TRIM68: variants seen among roughly 807,000 people sequenced by gnomAD.
TRIM68 encodes tripartite motif containing 68, also known as E3 ubiquitin-protein ligase TRIM68.
In TRIM68, 36 loss-of-function variants were observed where a neutral mutation model predicts 41.9. The ratio of observed to expected loss-of-function variants is 0.86; its 90% CI spans 0.66 to 1.14. The LOEUF (loss-of-function observed/expected upper bound fraction) is 1.14, where lower values mean the gene tolerates loss of function less well. Among genes scored for constraint, TRIM68 ranks in the 50% most tolerant of loss-of-function variants. The pLI, the probability that TRIM68 is intolerant of heterozygous loss-of-function variation, is 0.00. For synonymous variants in TRIM68, 225 were observed against 224.6 expected (o/e 1.00, Z -0.02); for missense variants, 632 against 605.1 (o/e 1.04, Z -0.47).
In TRIM68 at chr11:4,601,682, A is replaced by C; in HGVS notation, c.788T>G (p.Ile263Ser). The C allele has an allele frequency of 1.2e-6, 2 of 1,614,044 alleles. No homozygotes were observed. Among genetic ancestry groups the C allele is most frequent in the Non-Finnish European group, 1.7e-6 (2 of 1,179,960 alleles). The change falls in exon 5 of 7, where the codon ATT (isoleucine) becomes AGT (serine). Residue 263 changes from isoleucine to serine, a missense_variant. Ile to Ser is a moderately radical substitution (Grantham distance 142, BLOSUM62 -2). Coordinates refer to ENST00000300747, the MANE Select transcript of TRIM68 (RefSeq NM_018073.8). ...AACATACCTGTTTAACACTTCCTGA[A>C]TATCCTGGAAGGAGAAAAAAAAATG... ...QRPVRWMLQD[I>S]QEVLNRSKSW...
intron 3 of TRIM68, 53 bp downstream of exon 3, chr11:4,603,192 C>T: frequency 6.5e-7 from 1 of 1,546,518 alleles, no homozygotes; most frequent in South Asian, 1.1e-5. Flanking sequence ...AGGCCAGCTC[C>T]AGGACCACAC....
chr11:4,602,480 GCATACACA>G, intron 3 of TRIM68, 68 bp from the exon 4 acceptor site: 1 of 1,577,490 alleles, frequency 6.3e-7, no homozygotes, highest in South Asian at 1.2e-5. Context: ...ACTGACATAT[GCATACACA>G]CATACTCTGC....
intron 5 of TRIM68, chr11:4,601,360 G>T (rs756541494): frequency 1.1e-4 from 64 of 594,724 alleles, no homozygotes; most frequent in Admixed American, 3.5e-4. Context: ...GGGAGAGGAA[G>T]AAGTGCACAC....
At chr11:4,603,362 T>C in intron 2 of TRIM68, 22 bp from the exon 3 acceptor site, 1 of 1,612,014 alleles carries the variant, frequency 6.2e-7, no homozygotes, top group Non-Finnish European at 8.5e-7. Flanking sequence ...AAAACCCTCA[T>C]GAGGCCACCT....
rs375772033 is a variant in TRIM68, at chr11:4,605,445, C to G, written c.60G>C (p.Met20Ile). The G allele has an allele frequency of 6.8e-6, 11 of 1,614,026 alleles. No homozygotes were observed. Among genetic ancestry groups the G allele is most frequent in the African/African-American group, 2.7e-5 (2 of 74,932 alleles). Reference protein sequence around the residue: ...IVEEVACPICMTFLREPMSID... With the variant: ...IVEEVACPICITFLREPMSID... ...TGCTCATGGGCTCCCTCAGGAAGGT[C>G]ATACAGATGGGACAGGCCACTTCTT... The change falls in exon 2 of 7, where the codon ATG becomes ATC. Residue 20 changes from methionine to isoleucine, a missense_variant. By Grantham distance (10) the Met-to-Ile change is conservative. Transcript: ENST00000300747.
chr11:4,602,410 T>C lies in TRIM68; in HGVS notation c.525A>G (p.Ile175Met). 2 of 1,612,866 alleles carry C rather than the reference T, an allele frequency of 1.2e-6. No homozygotes were observed. The highest frequency in any genetic ancestry group is 1.1e-5 in the South Asian group (1 of 91,036). Residue 175 changes from isoleucine (I) to methionine (M), a missense_variant and splice_region_variant, in exon 4 of 7, where the codon ATA becomes ATG. Transcript: ENST00000300747. ...GERKRTATWK[I>M]QVETRKQSIV... ...TACTCTGTTTTCGGGTTTCCACCTG[T>C]ATCTGTGGAGCCAAGATGGAAATCA...
rs146898853 is a variant in TRIM68 at position 4,600,566 on chromosome 11, G to T, written c.1168C>A (p.His390Asn). 2.2e-5 allele frequency: 36 copies of T among 1,613,936 alleles called. No homozygotes were observed. The highest frequency in any genetic ancestry group is 6.7e-5 in the East Asian group (3 of 44,878). Reference protein sequence around the residue: ...DRKEVVYLSPHYGFWVIRLRK... With the variant: ...DRKEVVYLSPNYGFWVIRLRK... ...AGCCTTATCACCCAGAATCCATAGTGGGGGGATAAGTAGACCACCTCCTTC... is the reference window on the plus strand; with the variant it reads ...AGCCTTATCACCCAGAATCCATAGTTGGGGGATAAGTAGACCACCTCCTTC... Residue 390 changes from histidine (H) to asparagine (N), a missense_variant, in exon 7 of 7, where the codon CAC becomes AAC. His to Asn is a moderately conservative substitution (Grantham distance 68). Coordinates refer to ENST00000300747, the MANE Select transcript of TRIM68 (RefSeq NM_018073.8).
Position 4,600,680 on chromosome 11 carries a change from A to T in TRIM68, c.1054T>A (p.Cys352Ser). ...CAGTAGTGCCGGCCTGAGGAGATGC[A>T]CTGGCTTCCCAGGACGATATTATAG... ...YRYNIVLGSQ[C>S]ISSGRHYWEV... The change falls in exon 7 of 7, where the codon TGC (cysteine) becomes AGC (serine). Residue 352 changes from cysteine to serine, a missense_variant. By Grantham distance (112) the Cys-to-Ser change is moderately radical. Coordinates refer to ENST00000300747, the MANE Select transcript of TRIM68 (RefSeq NM_018073.8). 3.1e-6 allele frequency: 5 copies of T among 1,614,128 alleles called. No homozygotes were observed. Among genetic ancestry groups the T allele is most frequent in the Non-Finnish European group, 4.2e-6 (5 of 1,180,010 alleles).
At position 4,608,074 on chromosome 11, in the gene TRIM68, A is replaced by C. The variant is rs1000960652; in HGVS notation, c.-105T>G. On this transcript the variant is annotated 5_prime_UTR_variant, in exon 1 of 7. Transcript: ENST00000300747. Reference sequence around the variant, plus strand: ...CGCTTCGCGGCGGAAACTCAAAGTGAAGAAGCCTGGTTCCGCAGCGTCCAA... The same window carrying C: ...CGCTTCGCGGCGGAAACTCAAAGTGCAGAAGCCTGGTTCCGCAGCGTCCAA... 1 of 152,504 alleles carries C rather than the reference A, an allele frequency of 6.6e-6. No individual in the cohort carries two copies. The highest frequency in any genetic ancestry group is 3.4e-3 in the Middle Eastern group (1 of 294). The allele number at this position is 152,504 out of a possible 1,614,324, so 9.4% of individuals were successfully genotyped here.
At chr11:4,604,664 TG>T (rs1029163232) in intron 2 of TRIM68, among the ~76,000 whole-genome samples, 1 of 152,240 alleles carries the variant, frequency 6.6e-6, no homozygotes, top group Non-Finnish European at 1.5e-5. Flanking sequence ...AGGAGGGAAG[TG>T]ATCCATTCAA....
chr11:4,600,160 T>C lies in TRIM68; in HGVS notation c.*116A>G. ...AAGACCAAAGGATCAGACAGAGGAA[T>C]CCTTGGATACTGGGCTCAGCTCAGT... On this transcript the variant is annotated 3_prime_UTR_variant, in exon 7 of 7. Transcript: ENST00000300747. The C allele has an allele frequency of 9.4e-7, 1 of 1,062,778 alleles. No individual in the cohort carries two copies. Among genetic ancestry groups the C allele is most frequent in the Non-Finnish European group, 1.3e-6 (1 of 747,086 alleles). The allele number at this position is 1,062,778 out of a possible 1,614,324, so 65.8% of individuals were successfully genotyped here. A position where few individuals can be genotyped will look rare whatever the true frequency, so the allele number is the denominator to read the frequency against.
intron 1 of TRIM68, among the ~76,000 whole-genome samples, chr11:4,606,010 G>A (rs760231188): frequency 3.9e-5 from 6 of 152,210 alleles, no homozygotes; most frequent in Admixed American, 2.0e-4. Flanking sequence ...AATTCAAAGT[G>A]TCAAAAGGTA....
chr11:4,604,987 TCA>T, intron 2 of TRIM68, 90 bp downstream of exon 2: 1 of 1,406,758 alleles, frequency 7.1e-7, no homozygotes, highest in Non-Finnish European at 9.7e-7. Context: ...GAGTTAGCTC[TCA>T]GTCTGTGGTG....
Position 4,602,703 on chromosome 11 carries a change from T to C in TRIM68, c.523-291A>G, listed in dbSNP as rs372509811. On this transcript the variant is annotated intron_variant, in intron 3 of 6. Coordinates refer to ENST00000300747, the MANE Select transcript of TRIM68 (RefSeq NM_018073.8). ...CAGAATAATGACAAGATGTGTTACA[T>C]TTAAGTCTCTAAGGCAGTGTAACTT... is the stretch of plus-strand genomic sequence containing the variant. Among the ~76,000 whole-genome samples the C allele has an allele frequency of 2.9e-4, 44 of 152,338 alleles. 1 individual carries two copies. Among genetic ancestry groups the C allele is most frequent in the African/African-American group, 1.1e-3 (44 of 41,580 alleles).
chr11:4,600,174 G>T lies in TRIM68; in HGVS notation c.*102C>A. Reference sequence around the variant, plus strand: ...AGACAGAGGAATCCTTGGATACTGGGCTCAGCTCAGTTTCAGGGGATACCT... The same window carrying T: ...AGACAGAGGAATCCTTGGATACTGGTCTCAGCTCAGTTTCAGGGGATACCT... On this transcript the variant is annotated 3_prime_UTR_variant, in exon 7 of 7. Coordinates refer to ENST00000300747, the MANE Select transcript of TRIM68 (RefSeq NM_018073.8). 1 of 1,197,350 alleles carries T rather than the reference G, an allele frequency of 8.4e-7. No homozygotes were observed. The allele number at this position is 1,197,350 out of a possible 1,614,324, so 74.2% of individuals were successfully genotyped here. A position where few individuals can be genotyped will look rare whatever the true frequency, so the allele number is the denominator to read the frequency against.
intron 5 of TRIM68, 35 bp downstream of exon 5, chr11:4,601,629 A>C (rs755780241): frequency 1.2e-6 from 2 of 1,613,340 alleles, no homozygotes; most frequent in Non-Finnish European, 1.7e-6. Context: ...TATCCCCTAC[A>C]GGGCTGCTTA....
chr11:4,603,791 T>G (rs1448605152), intron 2 of TRIM68, among the ~76,000 whole-genome samples: 2 of 152,206 alleles, frequency 1.3e-5, no homozygotes, highest in Non-Finnish European at 2.9e-5. Context: ...CAATTTTAGA[T>G]GGATCTCCCA....
chr11:4,603,079 G>A (rs1048976190), intron 3 of TRIM68, among the ~76,000 whole-genome samples, 166 bp downstream of exon 3: 9 of 152,142 alleles, frequency 5.9e-5, no homozygotes, highest in African/African-American at 2.2e-4. Context: ...AAGAGGTGAC[G>A]TGGCCTACCT....
At chr11:4,604,303 G>C (rs186547716) in intron 2 of TRIM68, among the ~76,000 whole-genome samples, 2 of 152,338 alleles carry the variant, frequency 1.3e-5, no homozygotes, top group East Asian at 3.9e-4. Context: ...CTGGATCACA[G>C]AATCACTGAG....
Sources: gnomAD v4.1 joint callset for allele counts (sites outside exome capture counted in the v4.1 genomes callset) on GRCh38, gnomAD v4.1.1 for gene constraint, MANE v1.5 for transcripts, NCBI Gene and HGNC (gene_info 2026-07-23, HGNC 2026-07-21) for gene names.